The following DNAH11 variants were observed in gnomAD, a reference collection of about 807,000 sequenced individuals.
DNAH11 encodes the protein dynein axonemal heavy chain 11.
A neutral mutation model predicts 526.0 loss-of-function variants in DNAH11; 442 were observed. That is an observed-to-expected ratio of 0.84 (90% CI 0.78 to 0.91). The LOEUF is 0.91. Among genes scored for constraint, DNAH11 ranks in the 40% least tolerant of loss-of-function variants. DNAH11 has a pLI of 0.00. For missense variants in DNAH11, 6,989 were observed against 5,448.7 expected (o/e 1.28, Z -8.90); for synonymous variants, 2,461 against 1,935.9 (o/e 1.27, Z -7.12).
chr7:21,705,218 G>A (rs1215510767), intron 38 of DNAH11, among the ~76,000 whole-genome samples: 1 of 152,170 alleles, frequency 6.6e-6, no homozygotes, highest in African/African-American at 2.4e-5. Flanking sequence ...AGTAACCCCT[G>A]CCATATACTG....
chr7:21,826,695 A>G (rs928060565), intron 65 of DNAH11, among the ~76,000 whole-genome samples: 1 of 152,176 alleles, frequency 6.6e-6, no homozygotes, highest in African/African-American at 2.4e-5. Context: ...TGAAAAGAGA[A>G]AGCCAGGAAA....
At chr7:21,842,439 G>A in intron 65 of DNAH11, 105 bp from the exon 66 acceptor site, 1 of 945,786 alleles carries the variant, frequency 1.1e-6, no homozygotes, top group Non-Finnish European at 1.5e-6. Flanking sequence ...AATCACCTGA[G>A]CTTCTGGCCA....
Position 21,744,591 on chromosome 7 carries a change from T to C in DNAH11, c.8308T>C (p.Tyr2770His). 1 of 1,612,928 alleles carries C rather than the reference T, an allele frequency of 6.2e-7. No individual in the cohort carries two copies. The highest frequency in any genetic ancestry group is 2.2e-5 in the East Asian group (1 of 44,880). The stretch of plus-strand genomic sequence containing the variant: ...AAGAATGCTGGAAACTGCTTATAAA[T>C]ATTTTGAAGTAAGCGTATGAATGTC... The part of the protein sequence containing the change: ...QRRMLETAYK[Y>H]FEGIDSHMLL... The change falls in exon 50 of 82, where the codon TAT (tyrosine) becomes CAT (histidine). Residue 2770 changes from tyrosine (Y) to histidine (H), a missense_variant. Coordinates refer to ENST00000409508, the MANE Select transcript of DNAH11 (RefSeq NM_001277115.2).
intron 65 of DNAH11, among the ~76,000 whole-genome samples, chr7:21,819,399 T>A (rs1789956916): frequency 6.6e-6 from 1 of 152,192 alleles, no homozygotes; most frequent in African/African-American, 2.4e-5. Context: ...TGACAACTTA[T>A]AATTGTTTAA....
At chr7:21,807,168 G>A (rs750636441) in intron 62 of DNAH11, among the ~76,000 whole-genome samples, 1 of 152,296 alleles carries the variant, frequency 6.6e-6, no homozygotes, top group Admixed American at 6.5e-5. Context: ...GGGCAGTGTA[G>A]TGGGAAGAAT....
chr7:21,665,605 A>C (rs1228162115), intron 30 of DNAH11, among the ~76,000 whole-genome samples: 4 of 152,128 alleles, frequency 2.6e-5, no homozygotes, highest in Non-Finnish European at 5.9e-5. Context: ...GGTTCAACTA[A>C]TTAATGGAAT....
chr7:21,701,828 A>G (rs1407360429), intron 36 of DNAH11, among the ~76,000 whole-genome samples: 3 of 152,174 alleles, frequency 2.0e-5, no homozygotes, highest in Non-Finnish European at 4.4e-5. Flanking sequence ...CTTTTTATAG[A>G]TGATGATTCT....
chr7:21,753,309 G>C (rs1786491797), intron 54 of DNAH11, among the ~76,000 whole-genome samples: 1 of 152,148 alleles, frequency 6.6e-6, no homozygotes, highest in Non-Finnish European at 1.5e-5. Context: ...TGTCTTACTG[G>C]CCGCAAATGC....
At chr7:21,859,240 A>G (rs1782965995) in intron 68 of DNAH11, among the ~76,000 whole-genome samples, 1 of 152,102 alleles carries the variant, frequency 6.6e-6, no homozygotes, top group African/African-American at 2.4e-5. Context: ...CAGCCCCTCA[A>G]GTAACTGGGA....
intron 61 of DNAH11, 42 bp downstream of exon 61, chr7:21,789,384 G>A (rs1480723023): frequency 7.1e-7 from 1 of 1,403,524 alleles, no homozygotes; most frequent in Non-Finnish European, 9.8e-7. Context: ...CCAAGAGGTG[G>A]TCGCTGCCTC....
At chr7:21,744,720 T>G in intron 50 of DNAH11, 121 bp downstream of exon 50, 4 of 1,439,516 alleles carry the variant, frequency 2.8e-6, no homozygotes, top group Non-Finnish European at 3.8e-6. Flanking sequence ...TGGCTGTGAA[T>G]CCAGAATACA....
At chr7:21,583,422 T>G (rs1290676857) in intron 9 of DNAH11, among the ~76,000 whole-genome samples, 1 of 152,106 alleles carries the variant, frequency 6.6e-6, no homozygotes, top group Non-Finnish European at 1.5e-5. Flanking sequence ...CCTTACACCT[T>G]ATAGAAAAAT....
chr7:21,892,526 C>T lies in DNAH11; in HGVS notation c.12609C>T (p.Ser4203=). The T allele has an allele frequency of 1.2e-6, 2 of 1,613,972 alleles. No homozygotes were observed. The highest frequency in any genetic ancestry group is 1.7e-6 in the Non-Finnish European group (2 of 1,179,884). The change falls in exon 77 of 82, where the codon AGC becomes AGT. Residue 4203 remains serine, a synonymous_variant. Transcript: ENST00000409508. ...QYIEEMLPPE[S]PALYGLHPNA... ...TAGAGGAGATGCTTCCTCCAGAAAG[C>T]CCGGCACTGTATGGCCTCCACCCAA...
intron 28 of DNAH11, among the ~76,000 whole-genome samples, chr7:21,654,855 A>T (rs576349653): frequency 6.6e-6 from 1 of 152,088 alleles, no homozygotes; most frequent in African/African-American, 2.4e-5. Flanking sequence ...TACACAACAC[A>T]TGTCATTCTC....
intron 2 of DNAH11, among the ~76,000 whole-genome samples, chr7:21,552,180 C>G (rs1783049108): frequency 6.6e-6 from 1 of 152,222 alleles, no homozygotes; most frequent in Non-Finnish European, 1.5e-5. Flanking sequence ...AATGGTTTCT[C>G]TAAAGAAGGG....
In DNAH11 at chr7:21,708,392, A is replaced by C. The variant is rs183932303; in HGVS notation, c.6683+557A>C. The stretch of plus-strand genomic sequence containing the variant: ...TGCCTTTAAAATGTATGTGAATTCC[A>C]GTTCTTCTCGCCTTCTCCATAGATG... On this transcript the variant is annotated intron_variant, in intron 40 of 81. Coordinates refer to ENST00000409508, the MANE Select transcript of DNAH11 (RefSeq NM_001277115.2). Among the ~76,000 whole-genome samples, 10 of 152,280 alleles carry C rather than the reference A, an allele frequency of 6.6e-5. No homozygotes were observed. The East Asian group carries it at 1.7e-3, about 26-fold the overall frequency.
intron 45 of DNAH11, among the ~76,000 whole-genome samples, chr7:21,733,546 A>C (rs1395061475): frequency 6.6e-6 from 1 of 152,236 alleles, no homozygotes; most frequent in Non-Finnish European, 1.5e-5. Context: ...CCTGTTATCA[A>C]CCAAGACTGC....
chr7:21,614,614 A>T (rs527404834), intron 20 of DNAH11, among the ~76,000 whole-genome samples: 4 of 152,238 alleles, frequency 2.6e-5, no homozygotes, highest in Non-Finnish European at 4.4e-5. Context: ...TGATGTTTTC[A>T]TACTGGGCTG....
intron 57 of DNAH11, among the ~76,000 whole-genome samples, chr7:21,782,294 G>A (rs953409065): frequency 1.3e-5 from 2 of 152,150 alleles, no homozygotes; most frequent in Non-Finnish European, 2.9e-5. Flanking sequence ...ACACTCTCTA[G>A]GCACTCCCTG....
Sources: gnomAD v4.1 joint callset for allele counts (sites outside exome capture counted in the v4.1 genomes callset) on GRCh38, gnomAD v4.1.1 for gene constraint, MANE v1.5 for transcripts, NCBI Gene and HGNC (gene_info 2026-07-23, HGNC 2026-07-21) for gene names.